The following RASGRF1 variants were observed in gnomAD, a reference collection of about 807,000 sequenced individuals.
RASGRF1 encodes ras-specific guanine nucleotide-releasing factor 1.
A neutral mutation model predicts 138.7 loss-of-function variants in RASGRF1; 40 were observed. That is an observed-to-expected ratio of 0.29 (90% CI 0.22 to 0.38). The LOEUF is 0.38. RASGRF1 is among the 10% of genes least tolerant of loss of function. The pLI is 1.00. For synonymous variants in RASGRF1, 614 were observed against 663.2 expected (o/e 0.93, Z 1.14); for missense variants, 1,108 against 1,650.4 (o/e 0.67, Z 5.69).
At chr15:79,060,392 A>G (rs949801090) in intron 2 of RASGRF1, among the ~76,000 whole-genome samples, 4 of 152,230 alleles carry the variant, frequency 2.6e-5, no homozygotes, top group Non-Finnish European at 5.9e-5. Flanking sequence ...GGCTTCCAAA[A>G]GGATGATGCA....
intron 1 of RASGRF1, among the ~76,000 whole-genome samples, chr15:79,070,356 CAG>C (rs1160580825): frequency 6.6e-6 from 1 of 152,226 alleles, no homozygotes; most frequent in Middle Eastern, 3.2e-3. Context: ...AAAAGGGAGA[CAG>C]ATGCTTCAGT....
chr15:79,090,181 C>A (rs1466378929), intron 1 of RASGRF1, 42 bp downstream of exon 1: 1 of 1,541,784 alleles, frequency 6.5e-7, no homozygotes, highest in Admixed American at 1.8e-5. Context: ...CCCAGGGCCG[C>A]GGCCGGGACG....
chr15:79,029,509 C>T (rs1270930658), intron 8 of RASGRF1, among the ~76,000 whole-genome samples: 4 of 152,140 alleles, frequency 2.6e-5, no homozygotes, highest in African/African-American at 9.7e-5. Flanking sequence ...TATGCGCACA[C>T]AGCTGGGGAG....
Position 79,058,373 on chromosome 15 carries a change from G to A in RASGRF1, c.492C>T (p.Ile164=), listed in dbSNP as rs374748005. 1.4e-5 allele frequency: 22 copies of A among 1,613,946 alleles called. No homozygotes were observed. The highest frequency in any genetic ancestry group is 4.0e-5 in the African/African-American group (3 of 74,932). The change falls in exon 3 of 27, where the codon ATC becomes ATT. Residue 164 remains isoleucine (I), a synonymous_variant. Coordinates refer to ENST00000558480, the MANE Select transcript of RASGRF1 (RefSeq NM_001145648.3). The stretch of plus-strand genomic sequence containing the variant: ...GCTCGATCTCGATCTCCCCATCCTC[G>A]ATCTGCTGCCGAAGCTGCTTGGCCA... ...KTVAKQLRQQ[I]EDGEIEIERL...
intron 26 of RASGRF1, among the ~76,000 whole-genome samples, chr15:78,967,031 G>T (rs1337530561): frequency 6.6e-6 from 1 of 152,148 alleles, no homozygotes; most frequent in Non-Finnish European, 1.5e-5. Flanking sequence ...GGCTGGGAAT[G>T]GTGGCTCAAA....
intron 2 of RASGRF1, among the ~76,000 whole-genome samples, chr15:79,061,413 A>AATATATATATATATATATAT (rs57956576): frequency 0.045 from 5,237 of 116,372 alleles, 246 homozygotes; most frequent in Non-Finnish European, 0.05. Context: ...CTATCTTTAA[A>AATATATATATATATATATAT]ATATATATAT....
intron 12 of RASGRF1, among the ~76,000 whole-genome samples, chr15:79,015,949 T>C (rs778355010): frequency 6.6e-6 from 1 of 152,226 alleles, no homozygotes; most frequent in Admixed American, 6.5e-5. Flanking sequence ...TGTGGGGCCC[T>C]GGAGAAGGCA....
intron 17 of RASGRF1, among the ~76,000 whole-genome samples, chr15:78,999,131 A>G (rs2056460582): frequency 6.9e-6 from 1 of 145,044 alleles, no homozygotes; most frequent in African/African-American, 2.7e-5. Flanking sequence ...AACAGAGCTC[A>G]AAGGGGCCCC....
At chr15:79,086,756 C>A (rs1004638898) in intron 1 of RASGRF1, among the ~76,000 whole-genome samples, 9 of 152,174 alleles carry the variant, frequency 5.9e-5, no homozygotes, top group Non-Finnish European at 1.3e-4. Flanking sequence ...GGGTACCCTA[C>A]TGAGAAGCTG....
rs2057201384 is a variant in RASGRF1, at chr15:79,035,191, G to A, written c.898C>T (p.His300Tyr). 6.2e-7 allele frequency: 1 copy of A among 1,613,394 alleles called. No individual in the cohort carries two copies. The highest frequency in any genetic ancestry group is 8.5e-7 in the Non-Finnish European group (1 of 1,179,692). Reference protein sequence around the residue: ...FLNSETIMFLHQIFYQGLKAR... With the variant: ...FLNSETIMFLYQIFYQGLKAR... ...TTCAGGCCTTGGTAAAAGATCTGAT[G>A]TAAAAACATGATGGTTTCGCTGAAA... The change falls in exon 6 of 27, where the codon CAT (histidine) becomes TAT (tyrosine). Residue 300 changes from histidine to tyrosine, a missense_variant. Physicochemically the swap from His to Tyr is moderately conservative, Grantham distance 83. Transcript: ENST00000558480.
intron 22 of RASGRF1, among the ~76,000 whole-genome samples, chr15:78,987,731 C>T (rs921347895): frequency 1.3e-5 from 2 of 151,968 alleles, no homozygotes; most frequent in East Asian, 1.9e-4. Context: ...AACCAAAAAA[C>T]CCCACAAAAA....
rs1488259564 is a variant in RASGRF1 at position 79,012,483 on chromosome 15, C to T, written c.1826+2844G>A. 2.6e-6 allele frequency: 4 copies of T among 1,568,174 alleles called. No individual in the cohort carries two copies. The South Asian group carries it at 4.4e-5, about 17-fold the overall frequency. ...ACGATGAATTTCCCGAGGACGGAGACCCCACCTGCTCATTTCTGCTTCCCT... is the reference window on the plus strand; with the variant it reads ...ACGATGAATTTCCCGAGGACGGAGATCCCACCTGCTCATTTCTGCTTCCCT... On this transcript the variant is annotated intron_variant, in intron 13 of 26. Coordinates refer to ENST00000558480, the MANE Select transcript of RASGRF1 (RefSeq NM_001145648.3).
chr15:79,033,365 C>G (rs2057169254), intron 6 of RASGRF1, among the ~76,000 whole-genome samples: 1 of 151,962 alleles, frequency 6.6e-6, no homozygotes, highest in African/African-American at 2.4e-5. Flanking sequence ...ACCTCAGCCT[C>G]CCAAGTAGCT....
chr15:79,033,574 T>C (rs922516253), intron 6 of RASGRF1, among the ~76,000 whole-genome samples: 1 of 106,300 alleles, frequency 9.4e-6, no homozygotes, highest in East Asian at 2.7e-4. Flanking sequence ...TTCTTCTTTT[T>C]TCTTTTCTTT....
intron 11 of RASGRF1, 82 bp from the exon 12 acceptor site, chr15:79,017,988 A>G (rs1818254852): frequency 8.4e-6 from 13 of 1,549,610 alleles, no homozygotes; most frequent in Admixed American, 1.9e-5. Context: ...TCCCTGTCGT[A>G]CGTACCAGTG....
chr15:79,044,391 A>G (rs2057332701), intron 5 of RASGRF1, among the ~76,000 whole-genome samples: 1 of 152,196 alleles, frequency 6.6e-6, no homozygotes, highest in African/African-American at 2.4e-5. Flanking sequence ...GGTTCTCACC[A>G]CATTTCATGG....
chr15:78,979,079 G>A (rs775278733), intron 24 of RASGRF1: 14 of 1,290,168 alleles, frequency 1.1e-5, no homozygotes, highest in African/African-American at 3.0e-5. Flanking sequence ...GTGCCCCGGG[G>A]GCGGACGGAC....
intron 1 of RASGRF1, among the ~76,000 whole-genome samples, chr15:79,089,417 T>G (rs2058022786): frequency 1.3e-5 from 2 of 152,162 alleles, no homozygotes; most frequent in African/African-American, 4.8e-5. Flanking sequence ...GGCTCCCTGT[T>G]AGAGCCAGGC....
chr15:78,982,148 T>C (rs187018995), intron 23 of RASGRF1, among the ~76,000 whole-genome samples: 29 of 152,264 alleles, frequency 1.9e-4, no homozygotes, highest in Non-Finnish European at 2.6e-4. Flanking sequence ...GGAGGGTAAG[T>C]CCAGGTGTTC....
Sources: gnomAD v4.1 joint callset for allele counts (sites outside exome capture counted in the v4.1 genomes callset) on GRCh38, gnomAD v4.1.1 for gene constraint, MANE v1.5 for transcripts, NCBI Gene and HGNC (gene_info 2026-07-23, HGNC 2026-07-21) for gene names.